Variants in DNER observed in about 807,000 individuals in gnomAD.
DNER encodes the protein delta and Notch-like epidermal growth factor-related receptor.
In DNER, 33 loss-of-function variants were observed where a neutral mutation model predicts 78.2. That is an observed-to-expected ratio of 0.42 (90% CI 0.32 to 0.56). DNER has a LOEUF of 0.56. Among genes scored for constraint, DNER ranks in the 20% least tolerant of loss-of-function variants. The pLI is 0.11. For synonymous variants in DNER, 417 were observed against 384.8 expected, an observed-to-expected ratio of 1.08 and a Z score of -0.98; for missense variants, 918 against 975.3, an observed-to-expected ratio of 0.94 and a Z score of 0.78.
At chr2:229,480,140 T>C (rs1695125119) in intron 6 of DNER, among the ~76,000 whole-genome samples, 2 of 152,254 alleles carry the variant, frequency 1.3e-5, no homozygotes, top group African/African-American at 4.8e-5. Context: ...ACTTCCTTTT[T>C]ACTTTTTATC....
chr2:229,694,628 T>C (rs1254896684), intron 1 of DNER, among the ~76,000 whole-genome samples: 1 of 152,240 alleles, frequency 6.6e-6, no homozygotes, highest in African/African-American at 2.4e-5. Flanking sequence ...GATTGCCCTA[T>C]TGGATTTTAG....
chr2:229,602,075 C>A (rs1052730567), intron 1 of DNER, among the ~76,000 whole-genome samples: 6 of 151,886 alleles, frequency 4.0e-5, no homozygotes, highest in African/African-American at 1.2e-4. Flanking sequence ...CCAGTGCACA[C>A]ATTTTTGTTT....
chr2:229,413,472 G>C (rs1335036954), intron 9 of DNER, among the ~76,000 whole-genome samples: 1 of 151,356 alleles, frequency 6.6e-6, no homozygotes, highest in Non-Finnish European at 1.5e-5. Flanking sequence ...ACAGGCATGT[G>C]CCACAGCGCC....
chr2:229,561,286 T>G (rs1370773647), intron 4 of DNER, among the ~76,000 whole-genome samples: 18 of 152,184 alleles, frequency 1.2e-4, no homozygotes, highest in Admixed American at 1.2e-3. Context: ...CAAATGACTA[T>G]GAAAATTACA....
intron 5 of DNER, among the ~76,000 whole-genome samples, chr2:229,525,560 CA>C (rs1696191669): frequency 6.6e-6 from 1 of 152,060 alleles, no homozygotes; most frequent in Non-Finnish European, 1.5e-5. Flanking sequence ...TAAGGAAAAA[CA>C]CTTTGCATTT....
chr2:229,490,452 C>A (rs1482315970), intron 6 of DNER, among the ~76,000 whole-genome samples: 1 of 152,080 alleles, frequency 6.6e-6, no homozygotes, highest in Admixed American at 6.5e-5. Context: ...CCTTGAAAAC[C>A]TGCTAAATTA....
chr2:229,485,709 A>T (rs1695254710), intron 6 of DNER, among the ~76,000 whole-genome samples: 1 of 152,156 alleles, frequency 6.6e-6, no homozygotes, highest in South Asian at 2.1e-4. Flanking sequence ...TCAGATTATG[A>T]AGAAGAAGGG....
chr2:229,708,750 C>CA (rs1253753519), intron 1 of DNER, among the ~76,000 whole-genome samples: 1 of 152,190 alleles, frequency 6.6e-6, no homozygotes, highest in African/African-American at 2.4e-5. Flanking sequence ...AAGCTAAAGA[C>CA]AGGAACACGT....
At chr2:229,703,094 AG>A (rs1408748530) in intron 1 of DNER, among the ~76,000 whole-genome samples, 4 of 152,218 alleles carry the variant, frequency 2.6e-5, no homozygotes, top group Admixed American at 2.6e-4. Flanking sequence ...ATAATTTTGC[AG>A]GTGGTGGGGA....
At chr2:229,646,467 C>T (rs1377846704) in intron 1 of DNER, among the ~76,000 whole-genome samples, 2 of 152,192 alleles carry the variant, frequency 1.3e-5, no homozygotes, top group Admixed American at 6.5e-5. Context: ...TTTGCTGATG[C>T]TGACCAAGTA....
chr2:229,508,799 T>G (rs1695799513), intron 6 of DNER, among the ~76,000 whole-genome samples: 1 of 151,984 alleles, frequency 6.6e-6, no homozygotes. Flanking sequence ...GAGAATGGCG[T>G]GAACCTGGGA....
chr2:229,442,620 A>G (rs545344364), intron 8 of DNER, among the ~76,000 whole-genome samples: 4 of 152,352 alleles, frequency 2.6e-5, no homozygotes, highest in Non-Finnish European at 5.9e-5. Context: ...GTAAAGGCAC[A>G]TGGGCCTTAG....
intron 5 of DNER, among the ~76,000 whole-genome samples, chr2:229,537,488 G>A (rs1005490674): frequency 1.3e-5 from 2 of 152,040 alleles, no homozygotes; most frequent in African/African-American, 2.4e-5. Flanking sequence ...TTGGATAAAC[G>A]GCTTAAATAT....
At chr2:229,364,189 C>T (rs1692287425) in intron 12 of DNER, among the ~76,000 whole-genome samples, 1 of 151,636 alleles carries the variant, frequency 6.6e-6, no homozygotes, top group Admixed American at 6.6e-5. Context: ...AGTTCTTCAT[C>T]TCCAATCCAG....
intron 1 of DNER, among the ~76,000 whole-genome samples, chr2:229,603,717 C>G (rs1029859985): frequency 6.6e-6 from 1 of 151,812 alleles, no homozygotes. Context: ...TATGATAATA[C>G]ATTGAGCTGT....
chr2:229,673,148 C>T (rs568674193), intron 1 of DNER, among the ~76,000 whole-genome samples: 41 of 152,264 alleles, frequency 2.7e-4, no homozygotes, highest in African/African-American at 7.9e-4. Context: ...TGGATGGTAA[C>T]GTGATGTGAA....
chr2:229,493,875 G>C (rs551719204), intron 6 of DNER, among the ~76,000 whole-genome samples: 4 of 152,316 alleles, frequency 2.6e-5, no homozygotes, highest in Admixed American at 6.5e-5. Flanking sequence ...AGCTAGAAAA[G>C]GGTAAGAGTG....
Position 229,546,807 on chromosome 2 carries a change from A to C in DNER, c.993+140T>G, listed in dbSNP as rs898781688. The C allele has an allele frequency of 2.4e-4, 276 of 1,149,854 alleles. 2 individuals carry two copies. The Admixed American group carries it at 6.8e-3, about 28-fold the overall frequency. The allele number at this position is 1,149,854 out of a possible 1,614,324, so 71.2% of individuals were successfully genotyped here. A position where few individuals can be genotyped will look rare whatever the true frequency, so the allele number is the denominator to read the frequency against. The stretch of plus-strand genomic sequence containing the variant: ...TAGACAGATAGATAGATAGATAGAC[A>C]GACAGACAGACAGACAGACAGACAG... On this transcript the variant is annotated intron_variant, in intron 5 of 12. Coordinates refer to ENST00000341772, the MANE Select transcript of DNER (RefSeq NM_139072.4).
At chr2:229,383,480 G>C (rs934774032) in intron 11 of DNER, among the ~76,000 whole-genome samples, 2 of 152,124 alleles carry the variant, frequency 1.3e-5, no homozygotes, top group African/African-American at 4.8e-5. Context: ...ATTGCATAGA[G>C]TCAAGACCCA....
Sources: gnomAD v4.1 joint callset for allele counts (sites outside exome capture counted in the v4.1 genomes callset) on GRCh38, gnomAD v4.1.1 for gene constraint, MANE v1.5 for transcripts, NCBI Gene and HGNC (gene_info 2026-07-23, HGNC 2026-07-21) for gene names.